The following STX2 variants were observed in gnomAD, a reference collection of about 807,000 sequenced individuals.
STX2 encodes the protein syntaxin 2.
A neutral mutation model predicts 40.6 loss-of-function variants in STX2; 27 were observed. The ratio of observed to expected loss-of-function variants is 0.66; its 90% confidence interval spans 0.49 to 0.92. The LOEUF is 0.92. Ranked by LOEUF, STX2 falls within the 40% of genes least tolerant of loss-of-function variation. STX2 has a pLI of 0.00. For synonymous variants in STX2, 123 were observed against 119.1 expected (o/e 1.03, Z -0.22); for missense variants, 328 against 366.1 (o/e 0.90, Z 0.85).
At chr12:130,799,502 T>C (rs1218159208) in intron 8 of STX2, among the ~76,000 whole-genome samples, 2 of 152,158 alleles carry the variant, frequency 1.3e-5, no homozygotes, top group Admixed American at 1.3e-4. Context: ...TTTGGAATGC[T>C]TCCTGGAAAT....
At chr12:130,831,652 T>G (rs886517235) in intron 1 of STX2, among the ~76,000 whole-genome samples, 1 of 152,110 alleles carries the variant, frequency 6.6e-6, no homozygotes, top group East Asian at 1.9e-4. Context: ...TAAATAAATA[T>G]GTAAATGCTG....
chr12:130,795,883 G>C, intron 10 of STX2, 112 bp downstream of exon 10: 1 of 1,327,182 alleles, frequency 7.5e-7, no homozygotes, highest in Non-Finnish European at 1.0e-6. Context: ...GGCATTATCT[G>C]TACTGCGTGG....
chr12:130,835,611 A>C (rs1271919781), intron 1 of STX2, among the ~76,000 whole-genome samples: 1 of 152,114 alleles, frequency 6.6e-6, no homozygotes, highest in African/African-American at 2.4e-5. Flanking sequence ...ATTTCATTAC[A>C]CCTCGGTCAC....
At chr12:130,831,581 T>G (rs967076894) in intron 1 of STX2, among the ~76,000 whole-genome samples, 1 of 152,100 alleles carries the variant, frequency 6.6e-6, no homozygotes, top group African/African-American at 2.4e-5. Context: ...GAGGCTGTAG[T>G]GAGCAGTGAT....
At chr12:130,795,609 G>A (rs1424787008) in intron 10 of STX2, among the ~76,000 whole-genome samples, 1 of 152,136 alleles carries the variant, frequency 6.6e-6, no homozygotes, top group African/African-American at 2.4e-5. Context: ...GTGTGCTGGT[G>A]CACGTCTGTA....
intron 9 of STX2, among the ~76,000 whole-genome samples, chr12:130,798,110 G>A (rs1417057361): frequency 6.6e-6 from 1 of 152,158 alleles, no homozygotes; most frequent in Non-Finnish European, 1.5e-5. Context: ...AGCCTGGCAT[G>A]GTGGCGGGTG....
chr12:130,824,312 A>G (rs990317953), intron 2 of STX2, among the ~76,000 whole-genome samples: 6 of 152,086 alleles, frequency 3.9e-5, no homozygotes, highest in South Asian at 2.1e-4. Context: ...TTGAACCCAG[A>G]AGGAGGAGGC....
intron 4 of STX2, among the ~76,000 whole-genome samples, chr12:130,809,026 C>T (rs553087680): frequency 5.3e-4 from 80 of 152,170 alleles, no homozygotes; most frequent in Non-Finnish European, 1.0e-3. Flanking sequence ...GCCACCACAT[C>T]CAGCTAATTT....
intron 3 of STX2, among the ~76,000 whole-genome samples, chr12:130,818,185 A>AAAAAATATATATATATATATATATAT: frequency 7.1e-5 from 5 of 70,540 alleles, no homozygotes; most frequent in African/African-American, 1.2e-4. Flanking sequence ...AAAAAAAAAA[A>AAAAAATATATATATATATATATATAT]ATATATATAT....
chr12:130,795,217 G>A (rs548127974), intron 10 of STX2, among the ~76,000 whole-genome samples: 43 of 152,242 alleles, frequency 2.8e-4, no homozygotes, highest in Admixed American at 2.4e-3. Context: ...CTATAGAAAG[G>A]TCGAAGGATG....
intron 10 of STX2, among the ~76,000 whole-genome samples, 154 bp downstream of exon 10, chr12:130,795,841 G>A (rs538276961): frequency 2.6e-5 from 4 of 152,348 alleles, no homozygotes; most frequent in Middle Eastern, 3.4e-3. Flanking sequence ...CTGGGCACTC[G>A]AATCAGCACA....
At chr12:130,803,525 G>A (rs1951305199) in intron 6 of STX2, among the ~76,000 whole-genome samples, 1 of 151,914 alleles carries the variant, frequency 6.6e-6, no homozygotes, top group Non-Finnish European at 1.5e-5. Context: ...AAATTAGCCA[G>A]GTATGGTGGT....
chr12:130,823,605 A>G (rs996446863), intron 2 of STX2, among the ~76,000 whole-genome samples: 1 of 152,212 alleles, frequency 6.6e-6, no homozygotes, highest in Non-Finnish European at 1.5e-5. Flanking sequence ...CCAAGAACAC[A>G]GGCCGCCTGC....
At chr12:130,832,447 C>A (rs1338502640) in intron 1 of STX2, among the ~76,000 whole-genome samples, 2 of 152,016 alleles carry the variant, frequency 1.3e-5, no homozygotes, top group Admixed American at 6.6e-5. Context: ...GACCACCGAG[C>A]CATGGGGTTT....
rs578078847 is a variant in STX2 at position 130,836,736 on chromosome 12, C to A, written c.30+2334G>T. On this transcript the variant is annotated intron_variant, in intron 1 of 10. Transcript: ENST00000392373. ...CTCTATGAGGTGGACAAGAGAGATA[C>A]CACTGTCCCCATTTCACGTACAAGA... Among the ~76,000 whole-genome samples the A allele has an allele frequency of 5.9e-5, 9 of 152,290 alleles. No individual in the cohort carries two copies. In the East Asian group the frequency reaches 1.7e-3, roughly 29 times the overall value.
intron 6 of STX2, among the ~76,000 whole-genome samples, chr12:130,804,471 A>C (rs1951351080): frequency 6.6e-6 from 1 of 152,124 alleles, no homozygotes; most frequent in Non-Finnish European, 1.5e-5. Context: ...ATCCAGCCTG[A>C]CCAGTGGTCC....
chr12:130,791,889 G>C lies in STX2; in HGVS notation c.*134C>G, dbSNP rs754001375. The C allele has an allele frequency of 9.9e-6, 16 of 1,608,264 alleles. No individual in the cohort carries two copies. The highest frequency in any genetic ancestry group is 1.3e-5 in the Non-Finnish European group (15 of 1,175,886). ...GAGTCTCAAGGATAAATGGCTCTTGGGATATGGTTGCTAGGACAATGTTGT... is the reference window on the plus strand; with the variant it reads ...GAGTCTCAAGGATAAATGGCTCTTGCGATATGGTTGCTAGGACAATGTTGT... On this transcript the variant is annotated 3_prime_UTR_variant, in exon 11 of 11. Transcript: ENST00000392373.
At chr12:130,823,113 G>A (rs1032635067) in intron 2 of STX2, among the ~76,000 whole-genome samples, 9 of 152,014 alleles carry the variant, frequency 5.9e-5, no homozygotes, top group African/African-American at 2.2e-4. Flanking sequence ...ACTAGCCTGG[G>A]CAACATAGAG....
rs776675531 is a variant in STX2, at chr12:130,827,640, G to A, written c.31-373C>T. ...TAAACAGTAAAAACACTGGCCAGCC[G>A]CAGTGGCTCACGCCTGTAATCCCAG... On this transcript the variant is annotated intron_variant, in intron 1 of 10. Coordinates refer to ENST00000392373, the MANE Select transcript of STX2 (RefSeq NM_194356.4). Among the ~76,000 whole-genome samples the A allele has an allele frequency of 5.3e-5, 8 of 152,340 alleles. No individual in the cohort carries two copies. In the South Asian group the frequency reaches 8.3e-4, roughly 16 times the overall value.
Sources: gnomAD v4.1 joint callset for allele counts (sites outside exome capture counted in the v4.1 genomes callset) on GRCh38, gnomAD v4.1.1 for gene constraint, MANE v1.5 for transcripts, NCBI Gene and HGNC (gene_info 2026-07-23, HGNC 2026-07-21) for gene names.